The following FGD5 variants were observed in gnomAD, a reference collection of about 807,000 sequenced individuals.
FGD5 encodes the protein FYVE, RhoGEF and PH domain containing 5, also known as FYVE, RhoGEF and PH domain-containing protein 5.
A neutral mutation model predicts 133.4 loss-of-function variants in FGD5; 28 were observed. The ratio of observed to expected loss-of-function variants is 0.21; its 90% CI spans 0.16 to 0.29. The LOEUF (loss-of-function observed/expected upper bound fraction) is 0.29. Ranked by LOEUF, FGD5 falls within the 10% of genes least tolerant of loss-of-function variation. The probability of loss-of-function intolerance (pLI) is 1.00; values close to 1 mark genes in which losing one functional copy is unlikely to be tolerated. For synonymous variants in FGD5, 810 were observed against 776.5 expected, an observed-to-expected ratio of 1.04 and a Z score of -0.72; for missense variants, 1,858 against 1,895.2, an observed-to-expected ratio of 0.98 and a Z score of 0.36.
At chr3:14,814,388 GCT>G (rs1328074966), upstream of FGD5, among the ~76,000 whole-genome samples, 1 of 152,158 alleles carries the variant, frequency 6.6e-6, no homozygotes, top group Non-Finnish European at 1.5e-5. Context: ...TGCACTCAGT[GCT>G]CTCTCTTTTC....
At chr3:14,829,650 A>T (rs907889519) in intron 1 of FGD5, among the ~76,000 whole-genome samples, 1 of 152,220 alleles carries the variant, frequency 6.6e-6, no homozygotes, top group Non-Finnish European at 1.5e-5. Flanking sequence ...AGTAAAAGAC[A>T]TAGCAAGAAA....
At chr3:14,814,936 C>T (rs2036347207), upstream of FGD5, among the ~76,000 whole-genome samples, 1 of 152,138 alleles carries the variant, frequency 6.6e-6, no homozygotes, top group Non-Finnish European at 1.5e-5. Flanking sequence ...CAGCAGATCC[C>T]CTCAGCTCTC....
At chr3:14,903,878 G>A (rs1291168885) in intron 9 of FGD5, among the ~76,000 whole-genome samples, 1 of 152,068 alleles carries the variant, frequency 6.6e-6, no homozygotes, top group Non-Finnish European at 1.5e-5. Context: ...GTTTCCTTAG[G>A]CTCCCCTTGA....
intron 12 of FGD5, 113 bp from the exon 13 acceptor site, chr3:14,918,641 A>G (rs567744952): frequency 1.9e-6 from 2 of 1,028,728 alleles, no homozygotes; most frequent in East Asian, 4.9e-5. Context: ...CCCTGAGGCT[A>G]GAGAACGGCA....
intron 4 of FGD5, among the ~76,000 whole-genome samples, chr3:14,881,058 A>G (rs188208871): frequency 1.3e-5 from 2 of 152,298 alleles, no homozygotes; most frequent in Non-Finnish European, 2.9e-5. Flanking sequence ...TGAGAAAGGC[A>G]GGAAGAGGAC....
chr3:14,822,129 A>G (rs73028182), intron 1 of FGD5, among the ~76,000 whole-genome samples: 18,412 of 152,146 alleles, frequency 0.12, 1,561 homozygotes, highest in East Asian at 0.41. Flanking sequence ...AAAGAAAAAG[A>G]AAAAAGAAAA....
At chr3:14,826,216 A>G (rs1575190274) in intron 1 of FGD5, among the ~76,000 whole-genome samples, 1 of 152,090 alleles carries the variant, frequency 6.6e-6, no homozygotes, top group Non-Finnish European at 1.5e-5. Context: ...TACCGTGCAC[A>G]TGTTGCTGCA....
intron 1 of FGD5, among the ~76,000 whole-genome samples, chr3:14,839,199 G>C (rs539446951): frequency 1.3e-4 from 20 of 152,318 alleles, no homozygotes; most frequent in South Asian, 8.3e-4. Flanking sequence ...CGTCATTTCT[G>C]ACCTGGGAGG....
chr3:14,923,967 C>T lies in FGD5; in HGVS notation c.3938-41C>T, dbSNP rs141110928. 4.2e-5 allele frequency: 68 copies of T among 1,612,176 alleles called. No homozygotes were observed. In the Middle Eastern group the frequency reaches 8.3e-4, roughly 20 times the overall value. On this transcript the variant is annotated intron_variant, in intron 16 of 19. Transcript: ENST00000285046. ...GTGTTCCAAAGACAAGCCGCAGGCACGCCTCTCACCTCCCTTCCATGTGGC... is the reference window on the plus strand; with the variant it reads ...GTGTTCCAAAGACAAGCCGCAGGCATGCCTCTCACCTCCCTTCCATGTGGC...
At chr3:14,865,119 A>ACCCCCCCCCCCCCCCC (rs1216267069) in intron 2 of FGD5, among the ~76,000 whole-genome samples, 1 of 140,854 alleles carries the variant, frequency 7.1e-6, no homozygotes. Context: ...CCCCCACCCA[A>ACCCCCCCCCCCCCCCC]CCCACCCATC....
intron 9 of FGD5, among the ~76,000 whole-genome samples, chr3:14,905,272 T>G (rs746818196): frequency 3.9e-5 from 6 of 152,194 alleles, no homozygotes; most frequent in Non-Finnish European, 7.3e-5. Context: ...CTTTGTGTAA[T>G]GTGTCCCTTT....
chr3:14,881,814 C>T (rs1486279464), intron 4 of FGD5, among the ~76,000 whole-genome samples: 1 of 152,216 alleles, frequency 6.6e-6, no homozygotes, highest in Admixed American at 6.5e-5. Flanking sequence ...CACCAGGTCT[C>T]CTGGCTCCCA....
Position 14,921,903 on chromosome 3 carries a change from A to T in FGD5, c.3570-15A>T, listed in dbSNP as rs1456957207. ...AGCTGCTCCTGCCTTTGCTCACTCC[A>T]GCCCATGCCCGCAGCTCCTGTGCAG... On this transcript the variant is annotated splice_polypyrimidine_tract_variant and intron_variant, in intron 13 of 19. Transcript: ENST00000285046. The T allele has an allele frequency of 4.3e-5, 67 of 1,556,716 alleles. No individual in the cohort carries two copies. Among genetic ancestry groups the T allele is most frequent in the Non-Finnish European group, 5.8e-5 (67 of 1,149,946 alleles).
intron 4 of FGD5, among the ~76,000 whole-genome samples, chr3:14,891,962 C>T (rs372083936): frequency 3.3e-5 from 5 of 151,464 alleles, no homozygotes; most frequent in East Asian, 3.9e-4. Flanking sequence ...TCTCTCATAC[C>T]TGTTCACTGG....
intron 11 of FGD5, among the ~76,000 whole-genome samples, chr3:14,916,921 A>G (rs2038568027): frequency 6.6e-6 from 1 of 152,244 alleles, no homozygotes; most frequent in Non-Finnish European, 1.5e-5. Context: ...ATTCTGTGGT[A>G]TATGGATAGA....
intron 1 of FGD5, among the ~76,000 whole-genome samples, chr3:14,861,640 C>T (rs2037399698): frequency 6.6e-6 from 1 of 152,186 alleles, no homozygotes; most frequent in Non-Finnish European, 1.5e-5. Context: ...GAGCCCTCTC[C>T]CCTGTATCAC....
At chr3:14,902,368 G>T (rs554423003) in intron 9 of FGD5, among the ~76,000 whole-genome samples, 2 of 152,214 alleles carry the variant, frequency 1.3e-5, no homozygotes, top group South Asian at 4.1e-4. Context: ...GAGAAAAGGG[G>T]TGATAGGAAG....
At chr3:14,883,298 G>A (rs1478045668) in intron 4 of FGD5, among the ~76,000 whole-genome samples, 1 of 152,078 alleles carries the variant, frequency 6.6e-6, no homozygotes, top group East Asian at 1.9e-4. Flanking sequence ...TTATCATCTG[G>A]CCCCTTACAG....
intron 9 of FGD5, among the ~76,000 whole-genome samples, chr3:14,906,542 C>T (rs2038345103): frequency 6.6e-6 from 1 of 152,222 alleles, no homozygotes; most frequent in East Asian, 1.9e-4. Flanking sequence ...CAGGGCTTTG[C>T]ATGTGGCCCC....
Sources: gnomAD v4.1 joint callset for allele counts (sites outside exome capture counted in the v4.1 genomes callset) on GRCh38, gnomAD v4.1.1 for gene constraint, MANE v1.5 for transcripts, NCBI Gene and HGNC (gene_info 2026-07-23, HGNC 2026-07-21) for gene names.